Variants in CD34 observed in about 807,000 individuals in gnomAD.
The protein encoded by CD34 is CD34 molecule, also known as hematopoietic progenitor cell antigen CD34.
Under a neutral mutation model 40.1 loss-of-function variants are expected in CD34, and 34 were observed. The observed-to-expected ratio is 0.85, with a 90% CI of 0.65 to 1.13. The LOEUF (loss-of-function observed/expected upper bound fraction) is 1.13, where lower values mean the gene tolerates loss of function less well. CD34 is among the 50% of genes most tolerant of loss of function. The probability of loss-of-function intolerance (pLI) is 0.00; values close to 1 mark genes in which losing one functional copy is unlikely to be tolerated. For missense variants in CD34, 426 were observed against 466.9 expected, an observed-to-expected ratio of 0.91 and a Z score of 0.81; for synonymous variants, 209 against 190.0, an observed-to-expected ratio of 1.10 and a Z score of -0.82.
At chr1:207,901,664 C>T (rs773080855) in intron 1 of CD34, among the ~76,000 whole-genome samples, 9 of 152,150 alleles carry the variant, frequency 5.9e-5, no homozygotes, top group East Asian at 1.9e-4. Context: ...CAGGTGATCA[C>T]GAAGATATGT....
In CD34 at chr1:207,908,581, C is replaced by T. The variant is rs552221296; in HGVS notation, c.79+2421G>A. Among the ~76,000 whole-genome samples, 736 of 152,260 alleles carry T rather than the reference C, an allele frequency of 4.8e-3. 8 individuals carry two copies. The highest frequency in any genetic ancestry group is 0.017 in the African/African-American group (702 of 41,546). ...ACCCAAAGGAAGAAGAGGAATGTGA[C>T]GGGGAGGGCCTGGGGGTGTTGTTAG... is the stretch of plus-strand genomic sequence containing the variant. On this transcript the variant is annotated intron_variant, in intron 1 of 7. Coordinates refer to ENST00000310833, the MANE Select transcript of CD34 (RefSeq NM_001025109.2).
intron 4 of CD34, chr1:207,889,976 G>C (rs1489858502): frequency 4.1e-6 from 6 of 1,448,412 alleles, no homozygotes; most frequent in African/African-American, 1.5e-5. Context: ...TAATAACTAA[G>C]AGAAAATATT....
chr1:207,898,660 G>T (rs1179394833), intron 3 of CD34, among the ~76,000 whole-genome samples: 1 of 152,198 alleles, frequency 6.6e-6, no homozygotes, highest in Non-Finnish European at 1.5e-5. Context: ...GGGAAATGGT[G>T]TCCTGGTCAA....
intron 7 of CD34, 106 bp downstream of exon 7, chr1:207,888,576 A>G (rs1661959682): frequency 9.0e-7 from 1 of 1,112,890 alleles, no homozygotes; most frequent in East Asian, 2.4e-5. Flanking sequence ...GTAAGCTCAC[A>G]GAAGGGCTTT....
chr1:207,890,265 C>A (rs577240808), intron 4 of CD34: 65 of 993,092 alleles, frequency 6.5e-5, no homozygotes, highest in East Asian at 5.6e-4. Context: ...GGAATTTGGA[C>A]TCAGAAGAAA....
chr1:207,885,914 GCACTCCCT>G lies in CD34; in HGVS notation c.*1816_*1823del, dbSNP rs1471060629. On this transcript the variant is annotated 3_prime_UTR_variant, in exon 8 of 8. Coordinates refer to ENST00000310833, the MANE Select transcript of CD34 (RefSeq NM_001025109.2). ...TGGGAGTGTTTCCTGGAGCTCCTCA[GCACTCCCT>G]CCCCAACTTCCTATGGCCTGGTAGG... 2 of 151,378 alleles carry G rather than the reference GCACTCCCT, an allele frequency of 1.3e-5. No homozygotes were observed. Among genetic ancestry groups the G allele is most frequent in the Non-Finnish European group, 2.9e-5 (2 of 67,898 alleles). The allele number at this position is 151,378 out of a possible 1,614,324, so 9.4% of individuals were successfully genotyped here.
intron 1 of CD34, among the ~76,000 whole-genome samples, chr1:207,902,352 C>T (rs187851720): frequency 4.6e-5 from 7 of 152,282 alleles, no homozygotes; most frequent in African/African-American, 1.4e-4. Context: ...GGAATTTATT[C>T]CCCACATCTC....
chr1:207,897,492 C>T lies in CD34; in HGVS notation c.597+1G>A, dbSNP rs1296102418. On this transcript the variant is annotated splice_donor_variant, in intron 4 of 7. Coordinates refer to ENST00000310833, the MANE Select transcript of CD34 (RefSeq NM_001025109.2). LOFTEE classifies it high-confidence loss of function. ...AGAGGTTGGGTGGGGGGTTGACTTA[C>T]ACAGCTGGAGGTCTTATTTTGCTCC... 6.4e-7 allele frequency: 1 copy of T among 1,556,028 alleles called. No homozygotes were observed. The highest frequency in any genetic ancestry group is 1.4e-5 in the African/African-American group (1 of 73,524).
chr1:207,903,178 T>G (rs934772348), intron 1 of CD34, among the ~76,000 whole-genome samples: 2 of 152,220 alleles, frequency 1.3e-5, no homozygotes, highest in Admixed American at 1.3e-4. Context: ...TCACAGTCTC[T>G]AGAGCCCTGG....
intron 6 of CD34, 106 bp from the exon 7 acceptor site, chr1:207,888,952 C>T (rs1661969889): frequency 1.7e-6 from 2 of 1,160,704 alleles, no homozygotes; most frequent in Non-Finnish European, 1.3e-6. Context: ...TGCTTGAGGG[C>T]ATTGACCTCA....
At chr1:207,910,891 G>T in intron 1 of CD34, 111 bp downstream of exon 1, 1 of 1,128,178 alleles carries the variant, frequency 8.9e-7, no homozygotes, top group Non-Finnish European at 1.3e-6. Flanking sequence ...GCGTGGGTTG[G>T]GCAGGGGTCC....
intron 5 of CD34, 51 bp downstream of exon 5, chr1:207,889,414 T>G: frequency 6.4e-7 from 1 of 1,568,038 alleles, no homozygotes; most frequent in Non-Finnish European, 8.7e-7. Flanking sequence ...CAGGATTCTC[T>G]AACCTCAGCC....
intron 1 of CD34, 151 bp from the exon 2 acceptor site, chr1:207,900,154 G>T: frequency 5.0e-6 from 3 of 595,170 alleles, no homozygotes; most frequent in Non-Finnish European, 8.5e-6. Flanking sequence ...CTGGACAGTG[G>T]ATTAATTTCC....
At chr1:207,897,154 C>A (rs1356417032) in intron 4 of CD34, among the ~76,000 whole-genome samples, 1 of 151,484 alleles carries the variant, frequency 6.6e-6, no homozygotes, top group Non-Finnish European at 1.5e-5. Context: ...ACTTTCTTAA[C>A]CAAAAAGCAA....
intron 3 of CD34, among the ~76,000 whole-genome samples, chr1:207,897,967 C>A (rs1662184442): frequency 6.6e-6 from 1 of 152,328 alleles, no homozygotes; most frequent in African/African-American, 2.4e-5. Flanking sequence ...GGTGGACCAG[C>A]AGATGCTGGG....
chr1:207,905,756 C>T (rs2102306246), intron 1 of CD34, among the ~76,000 whole-genome samples: 1 of 152,242 alleles, frequency 6.6e-6, no homozygotes, highest in Non-Finnish European at 1.5e-5. Flanking sequence ...AGGTCACAGT[C>T]AAAACACAGT....
chr1:207,909,107 T>C (rs1662446811), intron 1 of CD34, among the ~76,000 whole-genome samples: 1 of 152,126 alleles, frequency 6.6e-6, no homozygotes. Flanking sequence ...AAACTACAAT[T>C]GGCTCAAGTA....
At chr1:207,887,996 A>T (rs1444776201) in intron 7 of CD34, 73 bp from the exon 8 acceptor site, 2 of 1,560,364 alleles carry the variant, frequency 1.3e-6, no homozygotes, top group East Asian at 4.7e-5. Context: ...AGAGGGGCCC[A>T]AACAGGAAGT....
At chr1:207,907,477 A>G (rs1383002154) in intron 1 of CD34, among the ~76,000 whole-genome samples, 1 of 152,100 alleles carries the variant, frequency 6.6e-6, no homozygotes, top group Non-Finnish European at 1.5e-5. Context: ...TCACTCAAAG[A>G]CCTCTTAAGA....
Sources: gnomAD v4.1 joint callset for allele counts (sites outside exome capture counted in the v4.1 genomes callset) on GRCh38, gnomAD v4.1.1 for gene constraint, MANE v1.5 for transcripts, NCBI Gene and HGNC (gene_info 2026-07-23, HGNC 2026-07-21) for gene names.